Variants in SPAG16 observed in about 807,000 individuals in gnomAD.
SPAG16 encodes the protein sperm associated antigen 16, also known as sperm-associated antigen 16 protein.
Under a neutral mutation model 80.4 loss-of-function variants are expected in SPAG16, and 86 were observed. That is an observed-to-expected ratio of 1.07 (90% CI 0.90 to 1.28). The LOEUF (loss-of-function observed/expected upper bound fraction) is 1.28. SPAG16 is among the 50% of genes most tolerant of loss of function. The probability of loss-of-function intolerance (pLI) is 0.00; values close to 1 mark genes in which losing one functional copy is unlikely to be tolerated. For synonymous variants in SPAG16, 294 were observed against 265.9 expected (o/e 1.11, Z -1.03); for missense variants, 870 against 765.3 (o/e 1.14, Z -1.61).
chr2:214,140,888 A>G (rs2055315642), intron 14 of SPAG16, among the ~76,000 whole-genome samples: 1 of 116,746 alleles, frequency 8.6e-6, no homozygotes, highest in African/African-American at 3.4e-5. Flanking sequence ...TATTTAAACT[A>G]TTTTAGTTGT....
chr2:213,435,020 T>G (rs2070541055), intron 9 of SPAG16, among the ~76,000 whole-genome samples: 1 of 152,192 alleles, frequency 6.6e-6, no homozygotes, highest in Non-Finnish European at 1.5e-5. Flanking sequence ...GTATGGTTAT[T>G]GCAGCACTAT....
At chr2:214,166,830 G>T (rs1318590555) in intron 15 of SPAG16, among the ~76,000 whole-genome samples, 1 of 151,980 alleles carries the variant, frequency 6.6e-6, no homozygotes, top group African/African-American at 2.4e-5. Flanking sequence ...TCAATATTAA[G>T]AAAATCAAGT....
intron 13 of SPAG16, among the ~76,000 whole-genome samples, chr2:214,093,331 G>C (rs944971646): frequency 6.6e-5 from 10 of 151,644 alleles, no homozygotes; most frequent in African/African-American, 2.4e-4. Flanking sequence ...ATTTGCTCTG[G>C]ATTTTCAACT....
At chr2:214,059,580 A>C (rs970428989) in intron 13 of SPAG16, among the ~76,000 whole-genome samples, 1 of 152,044 alleles carries the variant, frequency 6.6e-6, no homozygotes, top group Admixed American at 6.6e-5. Context: ...TATGAATCAC[A>C]ATCATTATAG....
chr2:213,677,695 G>A (rs199960829), intron 10 of SPAG16, among the ~76,000 whole-genome samples: 11 of 152,038 alleles, frequency 7.2e-5, no homozygotes, highest in East Asian at 1.9e-4. Context: ...CACTGTCAAC[G>A]TTAGACAGAT....
Position 213,337,838 on chromosome 2 carries a change from C to A in SPAG16, c.537-2325C>A, listed in dbSNP as rs145531868. ...CCAGAATTTCCTCAACCTAGCAAGA[C>A]AGGCCAGTGTTCAAATTCAGGAAAC... On this transcript the variant is annotated intron_variant, in intron 5 of 15. Transcript: ENST00000331683. Among the ~76,000 whole-genome samples, 677 of 152,210 alleles carry A rather than the reference C, an allele frequency of 4.4e-3. 4 individuals carry two copies. The highest frequency in any genetic ancestry group is 0.015 in the African/African-American group (621 of 41,524).
chr2:213,729,447 A>G (rs2066930542), intron 10 of SPAG16, among the ~76,000 whole-genome samples: 1 of 152,206 alleles, frequency 6.6e-6, no homozygotes, highest in African/African-American at 2.4e-5. Flanking sequence ...GAGTATTATT[A>G]TAAGACTTAG....
intron 13 of SPAG16, among the ~76,000 whole-genome samples, chr2:214,087,246 A>G (rs562914484): frequency 1.2e-4 from 18 of 152,284 alleles, no homozygotes; most frequent in African/African-American, 3.1e-4. Context: ...TAAGGACGCT[A>G]TATAATAATG....
At chr2:213,606,599 C>A (rs2061268915) in intron 10 of SPAG16, among the ~76,000 whole-genome samples, 1 of 152,164 alleles carries the variant, frequency 6.6e-6, no homozygotes, top group Non-Finnish European at 1.5e-5. Context: ...TTACTTGGTG[C>A]AGTTACCAAA....
At chr2:213,845,891 C>T (rs2074597787) in intron 10 of SPAG16, among the ~76,000 whole-genome samples, 1 of 152,178 alleles carries the variant, frequency 6.6e-6, no homozygotes, top group African/African-American at 2.4e-5. Flanking sequence ...CTCCATGTCT[C>T]TCAACCTCCA....
chr2:213,630,241 G>C (rs1274766720), intron 10 of SPAG16, among the ~76,000 whole-genome samples: 1 of 152,124 alleles, frequency 6.6e-6, no homozygotes, highest in Non-Finnish European at 1.5e-5. Context: ...AAAATTAGCT[G>C]GGCATGGTGG....
rs1559664668 is a variant in SPAG16, at chr2:213,989,746, C to T, written c.1401-24205C>T. 2.0e-5 allele frequency among the ~76,000 whole-genome samples: 3 copies of T among 151,952 alleles called. No homozygotes were observed. In the South Asian group the frequency reaches 6.2e-4, roughly 32 times the overall value. ...TTTGAAAATTGTATAATGTTCAAAT[C>T]GATGTCAGACATTTTCATTTTATCT... On this transcript the variant is annotated intron_variant, in intron 12 of 15. Transcript: ENST00000331683.
At chr2:214,179,246 G>T (rs1009273137) in intron 15 of SPAG16, among the ~76,000 whole-genome samples, 8 of 151,250 alleles carry the variant, frequency 5.3e-5, no homozygotes, top group Non-Finnish European at 1.2e-4. Flanking sequence ...TTTATAGCCT[G>T]CATTGTTTCC....
chr2:213,500,718 G>A (rs2074705505), intron 10 of SPAG16, among the ~76,000 whole-genome samples: 1 of 152,178 alleles, frequency 6.6e-6, no homozygotes, highest in African/African-American at 2.4e-5. Context: ...GGGGTGGTAG[G>A]TAATAGGTTG....
intron 10 of SPAG16, among the ~76,000 whole-genome samples, chr2:213,540,423 G>A (rs545662072): frequency 6.6e-6 from 1 of 152,010 alleles, no homozygotes; most frequent in Non-Finnish European, 1.5e-5. Context: ...CTTGGAACTT[G>A]GGAATATCAG....
chr2:213,705,948 G>T (rs987249439), intron 10 of SPAG16, among the ~76,000 whole-genome samples: 1 of 152,108 alleles, frequency 6.6e-6, no homozygotes, highest in South Asian at 2.1e-4. Context: ...ATAGATATTT[G>T]CCATAAAGAG....
At chr2:214,405,736 G>A (rs1306923608) in intron 15 of SPAG16, among the ~76,000 whole-genome samples, 3 of 152,174 alleles carry the variant, frequency 2.0e-5, no homozygotes, top group African/African-American at 7.2e-5. Flanking sequence ...GGCGGAGGTT[G>A]CAGTGAGCCG....
At chr2:213,718,521 T>A (rs1248208143) in intron 10 of SPAG16, among the ~76,000 whole-genome samples, 1 of 152,148 alleles carries the variant, frequency 6.6e-6, no homozygotes, top group Non-Finnish European at 1.5e-5. Context: ...CGGGGCTGCC[T>A]GCGGTGCTTG....
chr2:213,463,725 G>T (rs1408331565), intron 9 of SPAG16, among the ~76,000 whole-genome samples: 3 of 152,276 alleles, frequency 2.0e-5, no homozygotes, highest in African/African-American at 7.2e-5. Flanking sequence ...TGCTGCAGGG[G>T]CGGAGCCCTC....
Sources: allele counts gnomAD v4.1 joint callset (sites outside exome capture counted in the v4.1 genomes callset), GRCh38; gene constraint gnomAD v4.1.1; transcripts MANE v1.5; gene names NCBI Gene and HGNC (gene_info 2026-07-23, HGNC 2026-07-21).